MSRA: variants seen among roughly 807,000 people sequenced by gnomAD.
MSRA encodes the protein mitochondrial peptide methionine sulfoxide reductase.
A neutral mutation model predicts 31.3 loss-of-function variants in MSRA; 54 were observed. The observed-to-expected ratio is 1.73, with a 90% CI of 1.39 to 2.17. MSRA has a LOEUF of 2.17. Among genes scored for constraint, MSRA ranks in the 30% most tolerant of loss-of-function variants. MSRA has a pLI of 0.00. For missense variants in MSRA, 507 were observed against 300.9 expected (o/e 1.69, Z -5.07); for synonymous variants, 169 against 116.5 (o/e 1.45, Z -2.90).
intron 1 of MSRA, among the ~76,000 whole-genome samples, chr8:10,096,490 A>G (rs1438750500): frequency 6.6e-6 from 1 of 152,234 alleles, no homozygotes. Flanking sequence ...GGAATGGTAG[A>G]GAATAGAAAT....
At chr8:10,096,888 CT>C (rs1799191529) in intron 1 of MSRA, among the ~76,000 whole-genome samples, 1 of 152,128 alleles carries the variant, frequency 6.6e-6, no homozygotes, top group African/African-American at 2.4e-5. Flanking sequence ...TAAGTTATGA[CT>C]TCCTATAATC....
intron 4 of MSRA, among the ~76,000 whole-genome samples, chr8:10,302,991 G>C (rs1024362314): frequency 6.6e-6 from 1 of 152,234 alleles, no homozygotes; most frequent in Non-Finnish European, 1.5e-5. Flanking sequence ...TCTGCAGTGA[G>C]GATCATAAAT....
chr8:10,309,078 C>T (rs549523544), intron 4 of MSRA, among the ~76,000 whole-genome samples: 1 of 152,192 alleles, frequency 6.6e-6, no homozygotes, highest in Non-Finnish European at 1.5e-5. Context: ...CCCTGCCCAC[C>T]CTAATTAAAG....
At chr8:10,252,919 G>C (rs1797991989) in intron 3 of MSRA, among the ~76,000 whole-genome samples, 1 of 152,168 alleles carries the variant, frequency 6.6e-6, no homozygotes, top group Admixed American at 6.5e-5. Context: ...CAGTATCTAG[G>C]CGAAATCATG....
chr8:10,332,339 T>G (rs764719681), intron 5 of MSRA, among the ~76,000 whole-genome samples: 1 of 152,208 alleles, frequency 6.6e-6, no homozygotes, highest in Non-Finnish European at 1.5e-5. Context: ...GCTCTTCGTC[T>G]TTAAAAAATT....
intron 5 of MSRA, among the ~76,000 whole-genome samples, chr8:10,385,469 G>A (rs1806328186): frequency 6.6e-6 from 1 of 152,232 alleles, no homozygotes; most frequent in Non-Finnish European, 1.5e-5. Context: ...GAAGCCTGTG[G>A]CACATGTGGG....
chr8:10,264,127 G>C (rs1798621114), intron 3 of MSRA, among the ~76,000 whole-genome samples: 1 of 152,184 alleles, frequency 6.6e-6, no homozygotes, highest in Non-Finnish European at 1.5e-5. Context: ...TTACTCCAAA[G>C]CTTTGACTAG....
chr8:10,327,450 AT>A (rs1802424883), intron 5 of MSRA, among the ~76,000 whole-genome samples: 1 of 152,254 alleles, frequency 6.6e-6, no homozygotes, highest in Non-Finnish European at 1.5e-5. Flanking sequence ...GCATGTACAA[AT>A]GGGTTCCAGC....
At chr8:10,391,643 G>A (rs1305182360) in intron 5 of MSRA, among the ~76,000 whole-genome samples, 1 of 152,198 alleles carries the variant, frequency 6.6e-6, no homozygotes, top group Non-Finnish European at 1.5e-5. Flanking sequence ...CCACACACTG[G>A]CCATCTGACC....
chr8:10,184,979 A>G (rs1248671157), intron 1 of MSRA, among the ~76,000 whole-genome samples: 4 of 152,226 alleles, frequency 2.6e-5, no homozygotes, highest in Non-Finnish European at 5.9e-5. Flanking sequence ...CAGTTTGCAT[A>G]TGTAGCCTTT....
At chr8:10,206,304 A>C (rs1585167335) in intron 1 of MSRA, among the ~76,000 whole-genome samples, 1 of 152,196 alleles carries the variant, frequency 6.6e-6, no homozygotes, top group Non-Finnish European at 1.5e-5. Context: ...CTTCCATCAC[A>C]CATCTGCTAA....
rs139568523 is a variant in MSRA at position 10,172,158 on chromosome 8, G to A, written c.143-35675G>A. The stretch of plus-strand genomic sequence containing the variant: ...ATGCATGCTCCCTCCATGCCAATGT[G>A]TGGAAAGGGAGTGACGGACAAAGGC... On this transcript the variant is annotated intron_variant, in intron 1 of 5. Coordinates refer to ENST00000317173, the MANE Select transcript of MSRA (RefSeq NM_012331.5). Among the ~76,000 whole-genome samples the A allele has an allele frequency of 1.9e-4, 29 of 152,352 alleles. No individual in the cohort carries two copies. The East Asian group carries it at 5.2e-3, about 27-fold the overall frequency.
At chr8:10,152,261 G>T (rs2129037336) in intron 1 of MSRA, among the ~76,000 whole-genome samples, 1 of 152,334 alleles carries the variant, frequency 6.6e-6, no homozygotes, top group Middle Eastern at 3.4e-3. Context: ...ATAAACACAT[G>T]TATACGTATG....
chr8:10,095,149 C>G (rs1266427290), intron 1 of MSRA, among the ~76,000 whole-genome samples: 2 of 152,136 alleles, frequency 1.3e-5, no homozygotes, highest in Admixed American at 6.5e-5. Flanking sequence ...AAAAGCAAGT[C>G]TTATAAAAAG....
At chr8:10,420,973 G>A (rs1034473799) in intron 5 of MSRA, among the ~76,000 whole-genome samples, 2 of 151,786 alleles carry the variant, frequency 1.3e-5, no homozygotes, top group African/African-American at 2.4e-5. Flanking sequence ...CTCCAGCCTG[G>A]GTGACAGAGT....
In MSRA at chr8:10,222,753, C is replaced by T. The variant is rs528085345; in HGVS notation, c.211+14852C>T. On this transcript the variant is annotated intron_variant, in intron 2 of 5. Coordinates refer to ENST00000317173, the MANE Select transcript of MSRA (RefSeq NM_012331.5). ...GCCAGGCATAGAAAAACAAATAGTG[C>T]GCGATCTCACTTGTATGTGGAATGT... 2.4e-4 allele frequency among the ~76,000 whole-genome samples: 36 copies of T among 152,236 alleles called. No individual in the cohort carries two copies. In the South Asian group the frequency reaches 2.9e-3, roughly 12 times the overall value.
In MSRA at chr8:10,428,663, C is replaced by T. The variant is rs1236568591; in HGVS notation, c.*351C>T. ...GGACCCCAGAAGTCCTTTATCTGTG[C>T]TCTCTGCCCGCCAGTGCCTTACAAT... On this transcript the variant is annotated 3_prime_UTR_variant, in exon 6 of 6. Coordinates refer to ENST00000317173, the MANE Select transcript of MSRA (RefSeq NM_012331.5). The T allele has an allele frequency of 1.4e-5, 4 of 276,700 alleles. No homozygotes were observed. Among genetic ancestry groups the T allele is most frequent in the Non-Finnish European group, 2.0e-5 (3 of 147,898 alleles). 17.1% of individuals were successfully genotyped at this position (276,700 alleles called of 1,614,324 possible).
chr8:10,316,606 C>T (rs149728840), intron 4 of MSRA, among the ~76,000 whole-genome samples: 1 of 147,954 alleles, frequency 6.8e-6, no homozygotes, highest in Non-Finnish European at 1.5e-5. Flanking sequence ...CTCCCTCTCT[C>T]CCTTCCTCCC....
chr8:10,338,024 G>A (rs562605399), intron 5 of MSRA, among the ~76,000 whole-genome samples: 1 of 152,206 alleles, frequency 6.6e-6, no homozygotes, highest in Admixed American at 6.5e-5. Flanking sequence ...CCTAAGGGGT[G>A]ATCAAAGAGC....
Sources: gnomAD v4.1 joint callset for allele counts (sites outside exome capture counted in the v4.1 genomes callset) on GRCh38, gnomAD v4.1.1 for gene constraint, MANE v1.5 for transcripts, NCBI Gene and HGNC (gene_info 2026-07-23, HGNC 2026-07-21) for gene names.